Variants in CA10 observed in about 807,000 individuals in gnomAD.
CA10 encodes carbonic anhydrase-related protein 10.
In CA10, 14 loss-of-function variants were observed where a neutral mutation model predicts 44.2. The observed-to-expected ratio is 0.32, with a 90% confidence interval of 0.21 to 0.50. The LOEUF is 0.50. Among genes scored for constraint, CA10 ranks in the 20% least tolerant of loss-of-function variants. The pLI is 0.99. For synonymous variants in CA10, 159 were observed against 141.6 expected, an observed-to-expected ratio of 1.12 and a Z score of -0.87; for missense variants, 350 against 409.7, an observed-to-expected ratio of 0.85 and a Z score of 1.26.
chr17:51,936,649 A>G (rs1003505238), intron 2 of CA10, among the ~76,000 whole-genome samples: 1 of 115,330 alleles, frequency 8.7e-6, no homozygotes, highest in South Asian at 4.1e-4. Context: ...CAGATGGCTC[A>G]GTGCTCTGCA....
chr17:52,020,683 G>A (rs566878667), intron 2 of CA10, among the ~76,000 whole-genome samples: 5 of 152,056 alleles, frequency 3.3e-5, no homozygotes, highest in South Asian at 4.2e-4. Context: ...GATTCAGGGG[G>A]TACATAAGTA....
At chr17:51,738,803 C>T (rs1343680844) in intron 4 of CA10, among the ~76,000 whole-genome samples, 1 of 152,132 alleles carries the variant, frequency 6.6e-6, no homozygotes, top group Non-Finnish European at 1.5e-5. Flanking sequence ...AACCAGGTGA[C>T]CTAAGAAGGT....
At chr17:52,140,513 T>A (rs918844517) in intron 1 of CA10, among the ~76,000 whole-genome samples, 1 of 152,198 alleles carries the variant, frequency 6.6e-6, no homozygotes, top group African/African-American at 2.4e-5. Flanking sequence ...ATGAAATATA[T>A]TATTTCCTCT....
chr17:51,882,760 G>A lies in CA10; in HGVS notation c.279+48230C>T, dbSNP rs184936283. Among the ~76,000 whole-genome samples, 18 of 152,256 alleles carry A rather than the reference G, an allele frequency of 1.2e-4. 1 individual carries two copies. Among genetic ancestry groups the A allele is most frequent in the Middle Eastern group, 6.8e-3 (2 of 294 alleles). On this transcript the variant is annotated intron_variant, in intron 3 of 8. Transcript: ENST00000451037. ...CAGCCAGAGCACCGAGTCAAGACTG[G>A]AATTTGTCAGCTTACAGACCTAACC...
intron 1 of CA10, among the ~76,000 whole-genome samples, chr17:52,108,419 C>A (rs1345138923): frequency 1.3e-5 from 2 of 151,324 alleles, no homozygotes; most frequent in Non-Finnish European, 1.5e-5. Flanking sequence ...ATGCCATGGG[C>A]CAGGCGCAGT....
chr17:52,077,768 C>T (rs1447789885), intron 1 of CA10, among the ~76,000 whole-genome samples: 1 of 152,136 alleles, frequency 6.6e-6, no homozygotes, highest in African/African-American at 2.4e-5. Flanking sequence ...AAATTGGTCA[C>T]CAGCATCTAC....
At chr17:51,771,334 T>C (rs933579866) in intron 3 of CA10, among the ~76,000 whole-genome samples, 2 of 152,080 alleles carry the variant, frequency 1.3e-5, no homozygotes, top group Admixed American at 1.3e-4. Flanking sequence ...ACTTGTTTTA[T>C]AGATGTGAAA....
At chr17:52,094,621 AACTT>A (rs1988357809) in intron 1 of CA10, among the ~76,000 whole-genome samples, 1 of 152,196 alleles carries the variant, frequency 6.6e-6, no homozygotes, top group Admixed American at 6.5e-5. Flanking sequence ...AATACTTTAA[AACTT>A]AATAGGGAAA....
chr17:51,907,314 A>C (rs936296459), intron 3 of CA10, among the ~76,000 whole-genome samples: 3 of 151,908 alleles, frequency 2.0e-5, no homozygotes, highest in Admixed American at 1.3e-4. Flanking sequence ...GGTTGGCTCA[A>C]ATGTTGGCCA....
intron 3 of CA10, among the ~76,000 whole-genome samples, chr17:51,765,921 A>G (rs1433243168): frequency 6.6e-6 from 1 of 152,174 alleles, no homozygotes. Flanking sequence ...AGAAGCTGAG[A>G]TCACTACGAG....
intron 2 of CA10, among the ~76,000 whole-genome samples, chr17:52,016,804 T>A (rs1985982457): frequency 6.6e-6 from 1 of 152,106 alleles, no homozygotes; most frequent in Admixed American, 6.6e-5. Context: ...TCCCAGCTAC[T>A]CAGGAGGCTG....
intron 3 of CA10, among the ~76,000 whole-genome samples, chr17:51,822,539 A>G (rs1178839774): frequency 6.6e-6 from 1 of 152,176 alleles, no homozygotes; most frequent in African/African-American, 2.4e-5. Context: ...CTCCTGCTTA[A>G]TTTTTCTGGA....
At chr17:51,853,328 A>G (rs1348790208) in intron 3 of CA10, among the ~76,000 whole-genome samples, 2 of 152,194 alleles carry the variant, frequency 1.3e-5, no homozygotes, top group Non-Finnish European at 1.5e-5. Flanking sequence ...GCTGTTCTGC[A>G]TAAGGCTGGA....
At chr17:52,048,053 A>AG (rs1192664771) in intron 2 of CA10, among the ~76,000 whole-genome samples, 1 of 151,698 alleles carries the variant, frequency 6.6e-6, no homozygotes, top group African/African-American at 2.4e-5. Context: ...TTAAAAAAAA[A>AG]AAAAACATTT....
chr17:51,900,389 A>C (rs969473895), intron 3 of CA10, among the ~76,000 whole-genome samples: 3 of 152,196 alleles, frequency 2.0e-5, no homozygotes, highest in African/African-American at 7.2e-5. Context: ...TCTTGCTGAC[A>C]GAGCCACTGT....
At chr17:52,155,627 T>C (rs1989788556) in intron 1 of CA10, among the ~76,000 whole-genome samples, 1 of 152,188 alleles carries the variant, frequency 6.6e-6, no homozygotes, top group Admixed American at 6.5e-5. Context: ...TTAAAGTTTA[T>C]GGATGTGTAA....
chr17:51,984,154 T>C (rs1306118433), intron 2 of CA10, among the ~76,000 whole-genome samples: 2 of 151,624 alleles, frequency 1.3e-5, no homozygotes, highest in Non-Finnish European at 3.0e-5. Context: ...CATCTATAAT[T>C]CTCTATACAA....
At chr17:51,942,870 G>T (rs1049063194) in intron 2 of CA10, among the ~76,000 whole-genome samples, 2 of 151,996 alleles carry the variant, frequency 1.3e-5, no homozygotes, top group Admixed American at 6.6e-5. Context: ...CCACCATGTT[G>T]CCAGTTTCCA....
chr17:51,686,724 T>C (rs1475037717), intron 4 of CA10, among the ~76,000 whole-genome samples: 3 of 152,150 alleles, frequency 2.0e-5, no homozygotes, highest in African/African-American at 7.2e-5. Flanking sequence ...AAATGTAATA[T>C]GACCAAATAA....
Sources: gnomAD v4.1 joint callset for allele counts (sites outside exome capture counted in the v4.1 genomes callset) on GRCh38, gnomAD v4.1.1 for gene constraint, MANE v1.5 for transcripts, NCBI Gene and HGNC (gene_info 2026-07-23, HGNC 2026-07-21) for gene names.